FGF12: variants seen among roughly 807,000 people sequenced by gnomAD.
FGF12 encodes fibroblast growth factor 12.
A neutral mutation model predicts 23.6 loss-of-function variants in FGF12; 14 were observed. The observed-to-expected ratio is 0.59, with a 90% CI of 0.39 to 0.93. The LOEUF (loss-of-function observed/expected upper bound fraction) is 0.93. Ranked by LOEUF, FGF12 falls within the 40% of genes least tolerant of loss-of-function variation. FGF12 has a pLI of 0.00. For missense variants in FGF12, 175 were observed against 217.8 expected (o/e 0.80, Z 1.24); for synonymous variants, 62 against 77.3 (o/e 0.80, Z 1.04).
chr3:192,194,054 T>C (rs1716937197), intron 4 of FGF12, among the ~76,000 whole-genome samples: 1 of 152,228 alleles, frequency 6.6e-6, no homozygotes, highest in Admixed American at 6.5e-5. Flanking sequence ...TTTCTGGTCC[T>C]AACATAATGT....
intron 4 of FGF12, among the ~76,000 whole-genome samples, chr3:192,182,421 C>T (rs9822591): frequency 0.022 from 3,356 of 152,134 alleles, 137 homozygotes; most frequent in African/African-American, 0.077. Flanking sequence ...TTTACTTACC[C>T]AGGCTCACAA....
chr3:192,249,716 A>AC (rs1711872677), intron 4 of FGF12, among the ~76,000 whole-genome samples: 1 of 152,034 alleles, frequency 6.6e-6, no homozygotes, highest in African/African-American at 2.4e-5. Flanking sequence ...GAAAGAACAA[A>AC]CCCCTCTCTT....
At chr3:192,688,830 A>T (rs1029363629) in intron 2 of FGF12, among the ~76,000 whole-genome samples, 1 of 152,238 alleles carries the variant, frequency 6.6e-6, no homozygotes, top group Non-Finnish European at 1.5e-5. Context: ...AAAAACATGG[A>T]ATCAACCTAA....
intron 4 of FGF12, among the ~76,000 whole-genome samples, chr3:192,213,810 C>T: frequency 6.6e-6 from 1 of 152,204 alleles, no homozygotes; most frequent in East Asian, 1.9e-4. Context: ...TTTCATGTAG[C>T]TGTGGTGACT....
At chr3:192,259,798 G>A (rs1321492506) in intron 4 of FGF12, among the ~76,000 whole-genome samples, 2 of 152,058 alleles carry the variant, frequency 1.3e-5, no homozygotes, top group African/African-American at 4.8e-5. Flanking sequence ...ATGGTTGAAG[G>A]AAAAGTTTGC....
At chr3:192,257,915 A>T (rs1188670661) in intron 4 of FGF12, among the ~76,000 whole-genome samples, 1 of 151,994 alleles carries the variant, frequency 6.6e-6, no homozygotes, top group African/African-American at 2.4e-5. Context: ...AGGGCTTGAC[A>T]TGCAGCAAAT....
chr3:192,475,810 G>A (rs1418376176), intron 2 of FGF12, among the ~76,000 whole-genome samples: 1 of 152,116 alleles, frequency 6.6e-6, no homozygotes, highest in Non-Finnish European at 1.5e-5. Flanking sequence ...ATACGATTCC[G>A]ACCTAATAGT....
At chr3:192,567,249 C>G (rs756094012) in intron 2 of FGF12, among the ~76,000 whole-genome samples, 1 of 151,972 alleles carries the variant, frequency 6.6e-6, no homozygotes, top group East Asian at 1.9e-4. Flanking sequence ...TGGGAATACT[C>G]TACCTTCAAC....
chr3:192,334,330 A>C (rs953018390), intron 4 of FGF12, among the ~76,000 whole-genome samples: 7 of 152,112 alleles, frequency 4.6e-5, no homozygotes, highest in African/African-American at 1.7e-4. Flanking sequence ...GTTTAATTGA[A>C]CATTGGAAGA....
At chr3:192,651,226 G>A (rs539214531) in intron 2 of FGF12, among the ~76,000 whole-genome samples, 6 of 152,252 alleles carry the variant, frequency 3.9e-5, no homozygotes, top group African/African-American at 1.2e-4. Context: ...CAGACTAACC[G>A]ACATTTGTTG....
chr3:192,674,645 AG>A (rs1717257893), intron 2 of FGF12, among the ~76,000 whole-genome samples: 1 of 152,232 alleles, frequency 6.6e-6, no homozygotes, highest in Non-Finnish European at 1.5e-5. Flanking sequence ...GATGAATAAA[AG>A]TTTCTGTCAA....
chr3:192,303,649 G>A (rs1715463676), intron 4 of FGF12, among the ~76,000 whole-genome samples: 1 of 152,168 alleles, frequency 6.6e-6, no homozygotes, highest in African/African-American at 2.4e-5. Flanking sequence ...ATTATGAACA[G>A]GTATCAGAGT....
At chr3:192,441,557 TA>T (rs1180202425) in intron 2 of FGF12, among the ~76,000 whole-genome samples, 4 of 152,170 alleles carry the variant, frequency 2.6e-5, no homozygotes, top group African/African-American at 9.7e-5. Context: ...TTTACTCAAT[TA>T]TTTGAGGATG....
intron 2 of FGF12, among the ~76,000 whole-genome samples, chr3:192,697,217 T>C (rs1718153682): frequency 6.6e-6 from 1 of 152,170 alleles, no homozygotes; most frequent in African/African-American, 2.4e-5. Context: ...CTGAGGAACC[T>C]TGTAGAAAAA....
intron 4 of FGF12, among the ~76,000 whole-genome samples, chr3:192,185,813 C>T (rs1302189956): frequency 6.6e-6 from 1 of 151,072 alleles, no homozygotes; most frequent in Non-Finnish European, 1.5e-5. Context: ...GAGCCAAGAT[C>T]GCACCACTGC....
intron 4 of FGF12, among the ~76,000 whole-genome samples, chr3:192,201,729 T>C (rs1266693997): frequency 6.6e-6 from 1 of 152,224 alleles, no homozygotes; most frequent in East Asian, 1.9e-4. Flanking sequence ...TTTAACTAGA[T>C]GTCTCATTAG....
rs114315757 is a variant in FGF12 at position 192,389,384 on chromosome 3, G to A, written c.14-28846C>T. 5.6e-3 allele frequency among the ~76,000 whole-genome samples: 858 copies of A among 152,212 alleles called. 4 individuals carry two copies. Among genetic ancestry groups the A allele is most frequent in the African/African-American group, 0.019 (806 of 41,530 alleles). On this transcript the variant is annotated intron_variant, in intron 2 of 5. Coordinates refer to ENST00000445105, the MANE Select transcript of FGF12 (RefSeq NM_004113.6). ...CTCAAACAACGACAATACATATTCC[G>A]CAATCTTCCCCTGAGGTCTGGGACA... is the stretch of plus-strand genomic sequence containing the variant.
At chr3:192,626,918 T>C (rs1189421373) in intron 2 of FGF12, among the ~76,000 whole-genome samples, 6 of 152,298 alleles carry the variant, frequency 3.9e-5, no homozygotes, top group Non-Finnish European at 7.3e-5. Flanking sequence ...ATACTAATTA[T>C]TTTTAAACAA....
At chr3:192,711,286 T>TG (rs1376655534) in intron 2 of FGF12, among the ~76,000 whole-genome samples, 2 of 120,864 alleles carry the variant, frequency 1.7e-5, no homozygotes, top group East Asian at 3.1e-4. Context: ...GGGAGGGAGG[T>TG]GGGGGGCAGC....
Sources: allele counts gnomAD v4.1 joint callset (sites outside exome capture counted in the v4.1 genomes callset), GRCh38; gene constraint gnomAD v4.1.1; transcripts MANE v1.5; gene names NCBI Gene and HGNC (gene_info 2026-07-23, HGNC 2026-07-21).